KIRREL3: variants seen among roughly 807,000 people sequenced by gnomAD.
KIRREL3 encodes the protein kirre like nephrin family adhesion molecule 3.
A neutral mutation model predicts 89.7 loss-of-function variants in KIRREL3; 36 were observed. The ratio of observed to expected loss-of-function variants is 0.40; its 90% CI spans 0.31 to 0.53. The LOEUF is 0.53. Ranked by LOEUF, KIRREL3 falls within the 20% of genes least tolerant of loss-of-function variation. KIRREL3 has a pLI of 0.49. For missense variants in KIRREL3, 864 were observed against 1,056.6 expected, an observed-to-expected ratio of 0.82 and a Z score of 2.53; for synonymous variants, 445 against 441.4, an observed-to-expected ratio of 1.01 and a Z score of -0.10.
chr11:126,518,087 C>T (rs1365488758), intron 4 of KIRREL3, among the ~76,000 whole-genome samples: 1 of 152,206 alleles, frequency 6.6e-6, no homozygotes, highest in Non-Finnish European at 1.5e-5. Context: ...CTCAGGCCTT[C>T]CCCCGTCTTT....
At chr11:126,945,492 A>G (rs549836883) in intron 1 of KIRREL3, among the ~76,000 whole-genome samples, 5 of 152,152 alleles carry the variant, frequency 3.3e-5, no homozygotes, top group African/African-American at 1.2e-4. Context: ...CTTCAGTACC[A>G]TTTAAATCTA....
intron 4 of KIRREL3, among the ~76,000 whole-genome samples, chr11:126,481,949 A>G (rs1957228802): frequency 6.6e-6 from 1 of 152,098 alleles, no homozygotes; most frequent in African/African-American, 2.4e-5. Flanking sequence ...GCTTTTCATC[A>G]CTTCTTACCT....
intron 1 of KIRREL3, among the ~76,000 whole-genome samples, chr11:126,803,828 A>C (rs1467489807): frequency 6.6e-6 from 1 of 152,210 alleles, no homozygotes; most frequent in Non-Finnish European, 1.5e-5. Context: ...CTCAAGGGTA[A>C]GAGCTCCATA....
rs762906375 is a variant in KIRREL3 at position 126,653,048 on chromosome 11, G to C, written c.56-90136C>G. ...TTGGGTTTTGTCGGGTTGTGGGGGT[G>C]GGGGAGGGGAAAAAGAGAGCAGGTA... is the stretch of plus-strand genomic sequence containing the variant. On this transcript the variant is annotated intron_variant, in intron 1 of 16. Coordinates refer to ENST00000525144, the MANE Select transcript of KIRREL3 (RefSeq NM_032531.4). The surrounding 1 kb of genome is among the most constrained non-coding windows in gnomAD (Gnocchi z 5.4). The C allele has an allele frequency of 6.6e-6, 1 of 152,160 alleles. No individual in the cohort carries two copies. Among genetic ancestry groups the C allele is most frequent in the African/African-American group, 2.4e-5 (1 of 41,428 alleles). The allele number at this position is 152,160 out of a possible 1,614,324, so 9.4% of individuals were successfully genotyped here.
intron 1 of KIRREL3, among the ~76,000 whole-genome samples, chr11:126,871,108 C>A (rs537467154): frequency 6.6e-6 from 1 of 152,170 alleles, no homozygotes; most frequent in Non-Finnish European, 1.5e-5. Flanking sequence ...ATGGACTCTT[C>A]GGAATCAGTT....
At position 126,896,873 on chromosome 11, in the gene KIRREL3, G is replaced by T. The variant is rs2134810319; in HGVS notation, c.55+103582C>A. Among the ~76,000 whole-genome samples the T allele has an allele frequency of 6.6e-6, 1 of 152,244 alleles. No homozygotes were observed. The highest frequency in any genetic ancestry group is 2.1e-4 in the South Asian group (1 of 4,820). The stretch of plus-strand genomic sequence containing the variant: ...CTTACCCCCATTCACATATCATCAT[G>T]TGCTTCACACGCAGTGGGGATCTTA... On this transcript the variant is annotated intron_variant, in intron 1 of 16. Transcript: ENST00000525144. The surrounding 1 kb of genome is among the most constrained non-coding windows in gnomAD (Gnocchi z 4.1).
Position 126,610,440 on chromosome 11 carries a change from T to C in KIRREL3, c.56-47528A>G, listed in dbSNP as rs925035567. Among the ~76,000 whole-genome samples the C allele has an allele frequency of 2.0e-5, 3 of 152,128 alleles. No individual in the cohort carries two copies. The highest frequency in any genetic ancestry group is 4.4e-5 in the Non-Finnish European group (3 of 68,048). ...CCAAGCAATGCTTCATATTCACAAA[T>C]GAACACATTAGGCTCAAGGACAGAA... On this transcript the variant is annotated intron_variant, in intron 1 of 16. Coordinates refer to ENST00000525144, the MANE Select transcript of KIRREL3 (RefSeq NM_032531.4). The surrounding 1 kb of genome is among the most constrained non-coding windows in gnomAD (Gnocchi z 4.6).
At position 126,622,931 on chromosome 11, in the gene KIRREL3, G is replaced by A. The variant is rs993830567; in HGVS notation, c.56-60019C>T. Among the ~76,000 whole-genome samples the A allele has an allele frequency of 1.3e-5, 2 of 152,138 alleles. No homozygotes were observed. Among genetic ancestry groups the A allele is most frequent in the Non-Finnish European group, 2.9e-5 (2 of 68,034 alleles). The stretch of plus-strand genomic sequence containing the variant: ...AGCTACATTTCATAATGAGGAAATG[G>A]AAGTACCTAGAGGTTAAGTATTTTG... On this transcript the variant is annotated intron_variant, in intron 1 of 16. Transcript: ENST00000525144. This position sits in a 1 kb window ranked among gnomAD's most constrained non-coding sequence, Gnocchi z 5.2.
At chr11:126,681,473 A>G (rs1946449336) in intron 1 of KIRREL3, among the ~76,000 whole-genome samples, 1 of 152,170 alleles carries the variant, frequency 6.6e-6, no homozygotes, top group South Asian at 2.1e-4. Context: ...AAGGTTGCTC[A>G]TGAGGGAGGC....
Position 126,660,823 on chromosome 11 carries a change from T to C in KIRREL3, c.56-97911A>G, listed in dbSNP as rs147357486. Among the ~76,000 whole-genome samples the C allele has an allele frequency of 5.3e-3, 811 of 152,228 alleles. 6 individuals are homozygous for C. The highest frequency in any genetic ancestry group is 0.019 in the African/African-American group (782 of 41,544). ...ATTCCAAGACCAATAAAAGATGCAA[T>C]ATGGTTTTCCCTGGGCTGTATATTA... On this transcript the variant is annotated intron_variant, in intron 1 of 16. Transcript: ENST00000525144.
At position 126,521,095 on chromosome 11, in the gene KIRREL3, C is replaced by A. The variant is rs186487269; in HGVS notation, c.433+220G>T. ...AAACACGCCGGGGTTGGACTGAGTC[C>A]GCTGGCATTGGCTGTCTGGTTTACT... On this transcript the variant is annotated intron_variant, in intron 4 of 16. Coordinates refer to ENST00000525144, the MANE Select transcript of KIRREL3 (RefSeq NM_032531.4). This position sits in a 1 kb window ranked among gnomAD's most constrained non-coding sequence, Gnocchi z 4.1. Among the ~76,000 whole-genome samples, 7 of 152,332 alleles carry A rather than the reference C, an allele frequency of 4.6e-5. No homozygotes were observed. The highest frequency in any genetic ancestry group is 4.6e-4 in the Admixed American group (7 of 15,304).
At chr11:126,691,716 G>T (rs1308890324) in intron 1 of KIRREL3, among the ~76,000 whole-genome samples, 5 of 152,168 alleles carry the variant, frequency 3.3e-5, no homozygotes, top group African/African-American at 1.2e-4. Context: ...GAAGAGAAAG[G>T]ATGCATTGAA....
intron 4 of KIRREL3, among the ~76,000 whole-genome samples, chr11:126,504,163 A>G (rs769082271): frequency 3.5e-4 from 54 of 152,142 alleles, no homozygotes; most frequent in Non-Finnish European, 5.0e-4. Context: ...AAACCTTGGC[A>G]TCATCTGTGA....
chr11:126,545,103 GTTTA>G (rs535295149), intron 2 of KIRREL3, among the ~76,000 whole-genome samples: 8 of 152,184 alleles, frequency 5.3e-5, no homozygotes, highest in Non-Finnish European at 8.8e-5. Flanking sequence ...TCATTGTGGT[GTTTA>G]TTTGTTATAA....
rs1043260459 is a variant in KIRREL3 at position 126,561,826 on chromosome 11, G to T, written c.133+1009C>A. On this transcript the variant is annotated intron_variant, in intron 2 of 16. Transcript: ENST00000525144. The surrounding 1 kb of genome is among the most constrained non-coding windows in gnomAD (Gnocchi z 4.5). ...CACAGCTGGCAAAGTCTCAGGCATGGGGAGCGCATGGGGATGTGGTTGTCG... is the reference window on the plus strand; with the variant it reads ...CACAGCTGGCAAAGTCTCAGGCATGTGGAGCGCATGGGGATGTGGTTGTCG... Among the ~76,000 whole-genome samples the T allele has an allele frequency of 6.6e-6, 1 of 152,194 alleles. No individual in the cohort carries two copies. The highest frequency in any genetic ancestry group is 2.4e-5 in the African/African-American group (1 of 41,450).
At position 126,669,131 on chromosome 11, in the gene KIRREL3, T is replaced by G. The variant is rs1945821820; in HGVS notation, c.56-106219A>C. On this transcript the variant is annotated intron_variant, in intron 1 of 16. Transcript: ENST00000525144. This position sits in a 1 kb window ranked among gnomAD's most constrained non-coding sequence, Gnocchi z 5.0. ...CCCAACTTGTCTGCTCTTTGTTTTG[T>G]TTTTGCTTTGGTTTTTTGCTTCTCT... Among the ~76,000 whole-genome samples, 2 of 152,172 alleles carry G rather than the reference T, an allele frequency of 1.3e-5. No homozygotes were observed. Among genetic ancestry groups the G allele is most frequent in the African/African-American group, 4.8e-5 (2 of 41,438 alleles).
rs1478186156 is a variant in KIRREL3, at chr11:126,883,471, C to T, written c.55+116984G>A. Among the ~76,000 whole-genome samples, 2 of 152,130 alleles carry T rather than the reference C, an allele frequency of 1.3e-5. No homozygotes were observed. Among genetic ancestry groups the T allele is most frequent in the Admixed American group, 1.3e-4 (2 of 15,272 alleles). On this transcript the variant is annotated intron_variant, in intron 1 of 16. Coordinates refer to ENST00000525144, the MANE Select transcript of KIRREL3 (RefSeq NM_032531.4). This position sits in a 1 kb window ranked among gnomAD's most constrained non-coding sequence, Gnocchi z 4.1. ...AAGGTCATGGTCACCGTCACAATTT[C>T]CATGACCTTACTCATGCTGGCAACT...
rs781012802 is a variant in KIRREL3 at position 126,563,906 on chromosome 11, G to GC, written c.56-995dup. Among the ~76,000 whole-genome samples, 3 of 152,314 alleles carry GC rather than the reference G, an allele frequency of 2.0e-5. No individual in the cohort carries two copies. The highest frequency in any genetic ancestry group is 4.4e-5 in the Non-Finnish European group (3 of 68,030). ...ACAACTCACTGAGGTGGGCATATGG[G>GC]CCACTGCAACTGACATTATGCAGAT... On this transcript the variant is annotated intron_variant, in intron 1 of 16. Coordinates refer to ENST00000525144, the MANE Select transcript of KIRREL3 (RefSeq NM_032531.4). The surrounding 1 kb of genome is among the most constrained non-coding windows in gnomAD (Gnocchi z 6.8).
Position 126,744,482 on chromosome 11 carries a change from A to G in KIRREL3, c.56-181570T>C, listed in dbSNP as rs536027913. Among the ~76,000 whole-genome samples, 20 of 152,344 alleles carry G rather than the reference A, an allele frequency of 1.3e-4. No individual in the cohort carries two copies. Among genetic ancestry groups the G allele is most frequent in the African/African-American group, 4.6e-4 (19 of 41,578 alleles). On this transcript the variant is annotated intron_variant, in intron 1 of 16. Transcript: ENST00000525144. This position sits in a 1 kb window ranked among gnomAD's most constrained non-coding sequence, Gnocchi z 4.7. ...GAGAGGTGGCGCAGGTGCGAAATGT[A>G]TCTTGATGGAAGCAGCACCAAGTTC...
Sources: allele counts gnomAD v4.1 joint callset (sites outside exome capture counted in the v4.1 genomes callset), GRCh38; gene constraint gnomAD v4.1.1; non-coding constraint Gnocchi (gnomAD v3.1); transcripts MANE v1.5; gene names NCBI Gene and HGNC (gene_info 2026-07-23, HGNC 2026-07-21).